The following PCSK6 variants were observed in gnomAD, a reference collection of about 807,000 sequenced individuals.
PCSK6 encodes the protein paired basic amino acid cleaving enzyme 4.
A neutral mutation model predicts 123.3 loss-of-function variants in PCSK6; 85 were observed. That is an observed-to-expected ratio of 0.69 (90% CI 0.58 to 0.83). The LOEUF (loss-of-function observed/expected upper bound fraction) is 0.83. Among genes scored for constraint, PCSK6 ranks in the 40% least tolerant of loss-of-function variants. PCSK6 has a pLI of 0.00. For missense variants in PCSK6, 1,191 were observed against 1,282.3 expected, an observed-to-expected ratio of 0.93 and a Z score of 1.09; for synonymous variants, 508 against 516.0, an observed-to-expected ratio of 0.98 and a Z score of 0.21.
At chr15:101,366,691 C>A (rs539486808) in intron 12 of PCSK6, among the ~76,000 whole-genome samples, 4 of 152,160 alleles carry the variant, frequency 2.6e-5, no homozygotes, top group Non-Finnish European at 5.9e-5. Context: ...CTCCTTCCCA[C>A]CCAGCAACAA....
chr15:101,389,577 G>A lies in PCSK6; in HGVS notation c.1210-13C>T. On this transcript the variant is annotated splice_polypyrimidine_tract_variant and intron_variant, in intron 8 of 21. Transcript: ENST00000611716. Reference sequence around the variant, plus strand: ...GATCCGTGGTGACCTGGGGGAGAGAGAAGCACAGTGAGGCAGTGATGGCAG... The same window carrying A: ...GATCCGTGGTGACCTGGGGGAGAGAAAAGCACAGTGAGGCAGTGATGGCAG... The A allele has an allele frequency of 6.3e-7, 1 of 1,597,578 alleles. No individual in the cohort carries two copies. Among genetic ancestry groups the A allele is most frequent in the East Asian group, 2.2e-5 (1 of 44,556 alleles).
intron 13 of PCSK6, among the ~76,000 whole-genome samples, chr15:101,355,543 G>A (rs2041011819): frequency 6.6e-6 from 1 of 152,244 alleles, no homozygotes; most frequent in Non-Finnish European, 1.5e-5. Flanking sequence ...TCTTGGGGTG[G>A]AAGAAGTGAA....
intron 1 of PCSK6, among the ~76,000 whole-genome samples, chr15:101,465,061 C>G (rs1235665493): frequency 6.6e-6 from 1 of 152,202 alleles, no homozygotes; most frequent in African/African-American, 2.4e-5. Context: ...CTGGGACCTA[C>G]TGGGTCTGCT....
chr15:101,371,837 T>C (rs1315791153), intron 11 of PCSK6, among the ~76,000 whole-genome samples: 6 of 152,210 alleles, frequency 3.9e-5, no homozygotes, highest in Admixed American at 3.9e-4. Context: ...CAAGCTTGTG[T>C]GCTCCCAAAT....
At position 101,489,487 on chromosome 15, in the gene PCSK6, A is replaced by G; in HGVS notation, c.184T>C (p.Ser62Pro). 9.3e-7 allele frequency: 1 copy of G among 1,072,794 alleles called. No individual in the cohort carries two copies. Among genetic ancestry groups the G allele is most frequent in the Non-Finnish European group, 1.1e-6 (1 of 887,904 alleles). 66.5% of individuals were successfully genotyped at this position (1,072,794 alleles called of 1,614,324 possible). A position where few individuals can be genotyped will look rare whatever the true frequency, so the allele number is the denominator to read the frequency against. ...LLLLALPAACSAPPPRPVYTN... is the reference protein window; with the variant it reads ...LLLLALPAACPAPPPRPVYTN... ...TAGACGGGGCGCGGCGGGGGCGCGG[A>G]GCAGGCGGCAGGCAGCGCCAGCAGC... The change falls in exon 1 of 22, where the codon TCC becomes CCC. Residue 62 changes from serine (S) to proline (P), a missense_variant. By Grantham distance (74) the Ser-to-Pro change is moderately conservative. This residue lies in a region of PCSK6 where 204 missense variants were observed against 166.4 expected (regional missense o/e 1.23). Coordinates refer to ENST00000611716, the MANE Select transcript of PCSK6 (RefSeq NM_002570.5).
At chr15:101,420,832 G>A (rs1188873472) in intron 6 of PCSK6, among the ~76,000 whole-genome samples, 1 of 152,238 alleles carries the variant, frequency 6.6e-6, no homozygotes, top group African/African-American at 2.4e-5. Flanking sequence ...TGGAAACAAT[G>A]AAGATGGCAC....
At chr15:101,329,345 C>T (rs1035068212) in intron 15 of PCSK6, among the ~76,000 whole-genome samples, 2 of 152,250 alleles carry the variant, frequency 1.3e-5, no homozygotes, top group Non-Finnish European at 2.9e-5. Context: ...ACCATCTTCT[C>T]CACCGTTCAC....
At chr15:101,432,454 C>A (rs1182919880) in intron 2 of PCSK6, among the ~76,000 whole-genome samples, 2 of 124,622 alleles carry the variant, frequency 1.6e-5, no homozygotes, top group African/African-American at 7.0e-5. Context: ...GAAACCCCAC[C>A]TCTCCAAAAA....
chr15:101,350,454 T>C (rs2141408967), intron 13 of PCSK6, among the ~76,000 whole-genome samples: 1 of 152,348 alleles, frequency 6.6e-6, no homozygotes, highest in South Asian at 2.1e-4. Flanking sequence ...TAGAATTTTT[T>C]TATGCCAAAT....
chr15:101,349,737 C>A (rs1478493597), intron 13 of PCSK6, among the ~76,000 whole-genome samples: 2 of 152,136 alleles, frequency 1.3e-5, no homozygotes, highest in African/African-American at 4.8e-5. Flanking sequence ...GTGCAGCCAG[C>A]GTGGGACCCA....
At chr15:101,364,140 CTGGA>C in intron 13 of PCSK6, among the ~76,000 whole-genome samples, 1 of 152,096 alleles carries the variant, frequency 6.6e-6, no homozygotes, top group Middle Eastern at 3.4e-3. Context: ...TTATGGAGAA[CTGGA>C]AAAGAACCAG....
rs978120707 is a variant in PCSK6 at position 101,408,240 on chromosome 15, G to A, written c.824-9664C>T. Among the ~76,000 whole-genome samples the A allele has an allele frequency of 2.6e-5, 4 of 152,182 alleles. No individual in the cohort carries two copies. The East Asian group carries it at 5.8e-4, about 22-fold the overall frequency. On this transcript the variant is annotated intron_variant, in intron 6 of 21. Coordinates refer to ENST00000611716, the MANE Select transcript of PCSK6 (RefSeq NM_002570.5). ...ACGGACCTCTGAAGGGGACACGGAC[G>A]GCGAAAAGGAGACGTTCATGCCGCC... is the stretch of plus-strand genomic sequence containing the variant.
chr15:101,487,026 T>A (rs1314513524), intron 1 of PCSK6, among the ~76,000 whole-genome samples: 2 of 152,194 alleles, frequency 1.3e-5, no homozygotes, highest in African/African-American at 4.8e-5. Context: ...AATATCTACA[T>A]CTTATTTATG....
chr15:101,336,463 C>T (rs1421233388), intron 13 of PCSK6, among the ~76,000 whole-genome samples: 1 of 152,226 alleles, frequency 6.6e-6, no homozygotes, highest in Non-Finnish European at 1.5e-5. Context: ...GAACGGGCTC[C>T]CTTGCAGCCT....
intron 1 of PCSK6, among the ~76,000 whole-genome samples, chr15:101,475,926 A>C (rs1015990203): frequency 2.0e-5 from 3 of 152,114 alleles, no homozygotes; most frequent in Non-Finnish European, 4.4e-5. Flanking sequence ...GCCCACACAC[A>C]CTTCTGGGGG....
chr15:101,480,577 G>A (rs1346285973), intron 1 of PCSK6, among the ~76,000 whole-genome samples: 3 of 152,348 alleles, frequency 2.0e-5, no homozygotes, highest in East Asian at 1.9e-4. Flanking sequence ...GGGGCCTTGC[G>A]CCTGCTGCTG....
chr15:101,379,933 C>T (rs2041866420), intron 11 of PCSK6, among the ~76,000 whole-genome samples: 1 of 152,164 alleles, frequency 6.6e-6, no homozygotes, highest in Non-Finnish European at 1.5e-5. Context: ...TTGGTAACAC[C>T]CCTCTCTCTG....
At chr15:101,466,796 G>C (rs1380486930) in intron 1 of PCSK6, among the ~76,000 whole-genome samples, 2 of 152,156 alleles carry the variant, frequency 1.3e-5, no homozygotes, top group African/African-American at 4.8e-5. Context: ...GTCCAGAATA[G>C]GCAAATCTAG....
At chr15:101,372,534 C>T (rs934136137) in intron 11 of PCSK6, among the ~76,000 whole-genome samples, 7 of 152,232 alleles carry the variant, frequency 4.6e-5, no homozygotes, top group Admixed American at 3.9e-4. Context: ...CAGCAGCCCC[C>T]GCTGCGGTAG....
Sources: allele counts gnomAD v4.1 joint callset (sites outside exome capture counted in the v4.1 genomes callset), GRCh38; gene constraint gnomAD v4.1.1; regional missense constraint gnomAD v4.1.1; transcripts MANE v1.5; gene names NCBI Gene and HGNC (gene_info 2026-07-23, HGNC 2026-07-21).